The following ADGRA1 variants were observed in gnomAD, a reference collection of about 807,000 sequenced individuals.
The protein encoded by ADGRA1 is G-protein coupled receptor 123.
A neutral mutation model predicts 21.3 loss-of-function variants in ADGRA1; 12 were observed. The ratio of observed to expected loss-of-function variants is 0.56; its 90% CI spans 0.36 to 0.91. The LOEUF (loss-of-function observed/expected upper bound fraction) is 0.91, where lower values mean the gene tolerates loss of function less well. Ranked by LOEUF, ADGRA1 falls within the 40% of genes least tolerant of loss-of-function variation. The pLI, the probability that ADGRA1 is intolerant of heterozygous loss-of-function variation, is 0.01. For synonymous variants in ADGRA1, 385 were observed against 368.8 expected, an observed-to-expected ratio of 1.04 and a Z score of -0.50; for missense variants, 790 against 805.6, an observed-to-expected ratio of 0.98 and a Z score of 0.23.
chr10:133,103,985 CA>C (rs1376534863), intron 5 of ADGRA1, among the ~76,000 whole-genome samples: 1 of 152,200 alleles, frequency 6.6e-6, no homozygotes, highest in Admixed American at 6.5e-5. Flanking sequence ...CCAGCGGTCC[CA>C]GGGGGTCTTG....
chr10:133,088,222 C>T (rs1455296383), intron 1 of ADGRA1, 84 bp downstream of exon 1: 10 of 543,262 alleles, frequency 1.8e-5, no homozygotes, highest in Non-Finnish European at 2.3e-5. Flanking sequence ...CGAGGTGACA[C>T]TGGCCGCGAG....
intron 4 of ADGRA1, among the ~76,000 whole-genome samples, chr10:133,100,083 A>G (rs1247219767): frequency 6.6e-6 from 1 of 152,158 alleles, no homozygotes; most frequent in Non-Finnish European, 1.5e-5. Flanking sequence ...TCACACAAAC[A>G]CAGGGCCCTG....
intron 5 of ADGRA1, among the ~76,000 whole-genome samples, chr10:133,118,252 G>A (rs1411512950): frequency 1.3e-5 from 2 of 152,086 alleles, no homozygotes; most frequent in African/African-American, 4.8e-5. Flanking sequence ...TCAGGTCACG[G>A]TGCCCACAGG....
intron 5 of ADGRA1, 103 bp from the exon 6 acceptor site, chr10:133,127,130 A>T (rs1564855540): frequency 1.5e-6 from 1 of 662,834 alleles, no homozygotes. Flanking sequence ...CTCCGCCCGC[A>T]CCCGCTGCTC....
At chr10:133,118,001 G>T (rs1486700866) in intron 5 of ADGRA1, among the ~76,000 whole-genome samples, 1 of 152,222 alleles carries the variant, frequency 6.6e-6, no homozygotes, top group Admixed American at 6.5e-5. Flanking sequence ...AGTGGAGGCT[G>T]GGAGGGAATG....
At chr10:133,110,192 C>G (rs12358577) in intron 5 of ADGRA1, among the ~76,000 whole-genome samples, 9 of 152,384 alleles carry the variant, frequency 5.9e-5, no homozygotes, top group East Asian at 5.8e-4. Context: ...CCACACGGAA[C>G]CTGCTCCTTC....
At chr10:133,110,952 T>G (rs1851978682) in intron 5 of ADGRA1, among the ~76,000 whole-genome samples, 1 of 152,150 alleles carries the variant, frequency 6.6e-6, no homozygotes, top group Admixed American at 6.5e-5. Context: ...TGCTCCAATG[T>G]GAGCACAGCC....
At chr10:133,111,133 G>C (rs1290860922) in intron 5 of ADGRA1, among the ~76,000 whole-genome samples, 5 of 109,492 alleles carry the variant, frequency 4.6e-5, no homozygotes, top group African/African-American at 9.3e-5. Context: ...CTGCCCGCCA[G>C]GGGTGCCTCC....
rs953289233 is a variant in ADGRA1 at position 133,129,798 on chromosome 10, G to A, written c.*287G>A. On this transcript the variant is annotated 3_prime_UTR_variant, in exon 7 of 7. Transcript: ENST00000392607. ...AATTCCGCGTGCTGGTCCCGCACAC[G>A]GTCATCCGGTTTCTGTCCTGTGGTC... 17 of 403,962 alleles carry A rather than the reference G, an allele frequency of 4.2e-5. No homozygotes were observed. The highest frequency in any genetic ancestry group is 8.4e-5 in the African/African-American group (4 of 47,372). The allele number at this position is 403,962 out of a possible 1,614,324, so 25.0% of individuals were successfully genotyped here. A position where few individuals can be genotyped will look rare whatever the true frequency, so the allele number is the denominator to read the frequency against.
rs1851530814 is a variant in ADGRA1 at position 133,088,028 on chromosome 10, C to T, written c.-313C>T. On this transcript the variant is annotated 5_prime_UTR_variant, in exon 1 of 7. Transcript: ENST00000392607. ...CAATCTGTTGATAACTCGGTCCCAGCTCGGCCGCTGCCCTCGCGAATGGAG... is the reference window on the plus strand; with the variant it reads ...CAATCTGTTGATAACTCGGTCCCAGTTCGGCCGCTGCCCTCGCGAATGGAG... 1.0e-6 allele frequency: 1 copy of T among 985,004 alleles called. No homozygotes were observed. The highest frequency in any genetic ancestry group is 1.2e-6 in the Non-Finnish European group (1 of 829,820). The allele number at this position is 985,004 out of a possible 1,614,324, so 61.0% of individuals were successfully genotyped here. A position where few individuals can be genotyped will look rare whatever the true frequency, so the allele number is the denominator to read the frequency against.
chr10:133,089,414 C>T (rs915764056), intron 2 of ADGRA1, among the ~76,000 whole-genome samples: 1 of 152,178 alleles, frequency 6.6e-6, no homozygotes, highest in Non-Finnish European at 1.5e-5. Flanking sequence ...ACGGCAGGCA[C>T]GGGAAGGGTG....
At chr10:133,121,307 A>T (rs553508074) in intron 5 of ADGRA1, among the ~76,000 whole-genome samples, 126 of 152,366 alleles carry the variant, frequency 8.3e-4, no homozygotes, top group Non-Finnish European at 1.6e-3. Context: ...AAAACTCAGG[A>T]CCTGCAAAGC....
intron 5 of ADGRA1, among the ~76,000 whole-genome samples, chr10:133,107,528 C>T (rs1285670916): frequency 1.3e-5 from 2 of 152,056 alleles, no homozygotes; most frequent in African/African-American, 4.8e-5. Context: ...TACTTCCTTT[C>T]TTCTGTTAGC....
At chr10:133,103,457 G>T (rs901428797) in intron 5 of ADGRA1, among the ~76,000 whole-genome samples, 19 of 152,334 alleles carry the variant, frequency 1.2e-4, no homozygotes, top group African/African-American at 4.6e-4. Context: ...AGGCCCGGTT[G>T]CTGGGATGGG....
chr10:133,112,867 C>T (rs1165299756), intron 5 of ADGRA1, among the ~76,000 whole-genome samples: 10 of 142,238 alleles, frequency 7.0e-5, no homozygotes, highest in East Asian at 2.2e-4. Context: ...CGGGCCACGT[C>T]GGTTATTTGG....
chr10:133,097,096 C>T lies in ADGRA1; in HGVS notation c.126C>T (p.His42=). 1 of 1,605,372 alleles carries T rather than the reference C, an allele frequency of 6.2e-7. No homozygotes were observed. The highest frequency in any genetic ancestry group is 8.5e-7 in the Non-Finnish European group (1 of 1,179,956). ...CCTCCTTCGTCACCTACATCGTGCA[C>T]CAGAGGTGAGCCTGGCATGGGCAAG... ...LLASFVTYIV[H]QSAIRISRKG... is the part of the protein sequence containing the mutation. Residue 42 remains histidine, a synonymous_variant, in exon 3 of 7, where the codon CAC becomes CAT. Coordinates refer to ENST00000392607, the MANE Select transcript of ADGRA1 (RefSeq NM_001083909.3).
Position 133,097,061 on chromosome 10 carries a change from T to C in ADGRA1, c.91T>C (p.Cys31Arg). Reference sequence around the variant, plus strand: ...CGCGTGCACGGCCGTCATGCTGCTCTGCCTCCTGGCCTCCTTCGTCACCTA... The same window carrying C: ...CGCGTGCACGGCCGTCATGCTGCTCCGCCTCCTGGCCTCCTTCGTCACCTA... ...VYACTAVMLLCLLASFVTYIV... is the reference protein window; with the variant it reads ...VYACTAVMLLRLLASFVTYIV... Residue 31 changes from cysteine to arginine, a missense_variant, in exon 3 of 7, where the codon TGC becomes CGC. Transcript: ENST00000392607. The C allele has an allele frequency of 6.2e-7, 1 of 1,609,688 alleles. No individual in the cohort carries two copies. The highest frequency in any genetic ancestry group is 8.5e-7 in the Non-Finnish European group (1 of 1,180,006).
At chr10:133,114,882 G>C (rs1452169717) in intron 5 of ADGRA1, among the ~76,000 whole-genome samples, 1 of 152,226 alleles carries the variant, frequency 6.6e-6, no homozygotes, top group African/African-American at 2.4e-5. Context: ...GCAGCTCCCT[G>C]AGGCTGCGGT....
At chr10:133,127,503 G>A (rs1246238330) in intron 6 of ADGRA1, among the ~76,000 whole-genome samples, 172 bp downstream of exon 6, 3 of 152,036 alleles carry the variant, frequency 2.0e-5, no homozygotes, top group Non-Finnish European at 2.9e-5. Context: ...CGAGGAGTGC[G>A]CAGCGCCCCC....
Sources: allele counts gnomAD v4.1 joint callset (sites outside exome capture counted in the v4.1 genomes callset), GRCh38; gene constraint gnomAD v4.1.1; transcripts MANE v1.5; gene names NCBI Gene and HGNC (gene_info 2026-07-23, HGNC 2026-07-21).